SLC2A9: variants seen among roughly 807,000 people sequenced by gnomAD.
The protein encoded by SLC2A9 is solute carrier family 2 member 9.
A neutral mutation model predicts 50.6 loss-of-function variants in SLC2A9; 39 were observed. The observed-to-expected ratio is 0.77, with a 90% confidence interval of 0.60 to 1.01. The LOEUF (loss-of-function observed/expected upper bound fraction) is 1.01, where lower values mean the gene tolerates loss of function less well. SLC2A9 is among the 50% of genes least tolerant of loss of function. The probability of loss-of-function intolerance (pLI) is 0.00; values close to 1 mark genes in which losing one functional copy is unlikely to be tolerated. For synonymous variants in SLC2A9, 324 were observed against 276.9 expected (o/e 1.17, Z -1.69); for missense variants, 686 against 677.6 (o/e 1.01, Z -0.14).
chr4:9,895,645 T>A (rs1402442674), intron 8 of SLC2A9, among the ~76,000 whole-genome samples: 1 of 152,214 alleles, frequency 6.6e-6, no homozygotes, highest in African/African-American at 2.4e-5. Flanking sequence ...GGTGAAATAA[T>A]AATGGGAACC....
At chr4:9,931,913 A>ACTCTCTCTCTCTCTCT (rs1163786274) in intron 6 of SLC2A9, among the ~76,000 whole-genome samples, 1 of 15,690 alleles carries the variant, frequency 6.4e-5, no homozygotes, top group Non-Finnish European at 1.1e-4. Flanking sequence ...AATGAGAATG[A>ACTCTCTCTCTCTCTCT]CTCTCTCTCT....
intron 10 of SLC2A9, among the ~76,000 whole-genome samples, chr4:9,852,171 C>T (rs932684340): frequency 2.0e-5 from 3 of 151,952 alleles, no homozygotes; most frequent in Non-Finnish European, 4.4e-5. Context: ...ACAAAGTGAA[C>T]CCCGTCAGGC....
chr4:9,824,265 G>A (rs147076438), downstream of SLC2A9, among the ~76,000 whole-genome samples: 18 of 151,684 alleles, frequency 1.2e-4, no homozygotes, highest in East Asian at 1.4e-3. Flanking sequence ...GAAGGCACTC[G>A]TCAGATGTCC....
At chr4:9,870,581 A>G (rs1357386433) in intron 10 of SLC2A9, among the ~76,000 whole-genome samples, 7 of 152,226 alleles carry the variant, frequency 4.6e-5, no homozygotes, top group Non-Finnish European at 1.0e-4. Flanking sequence ...TTGGCAAAAA[A>G]TCATAAGGAA....
chr4:9,919,454 G>T (rs1210699040), intron 7 of SLC2A9, among the ~76,000 whole-genome samples: 1 of 152,168 alleles, frequency 6.6e-6, no homozygotes, highest in African/African-American at 2.4e-5. Context: ...GGACAGGAAT[G>T]ACTCCCCTTC....
intron 6 of SLC2A9, among the ~76,000 whole-genome samples, chr4:9,927,492 T>C (rs530078566): frequency 1.3e-5 from 2 of 152,368 alleles, no homozygotes; most frequent in African/African-American, 2.4e-5. Context: ...ACGTGGAGCA[T>C]AGGGCAATAG....
At chr4:9,909,392 C>A (rs751737210) in intron 7 of SLC2A9, among the ~76,000 whole-genome samples, 15 of 152,218 alleles carry the variant, frequency 9.9e-5, no homozygotes, top group Non-Finnish European at 1.5e-4. Flanking sequence ...CAACTTATTT[C>A]ATGTGAGACT....
intron 10 of SLC2A9, among the ~76,000 whole-genome samples, chr4:9,867,596 G>A (rs527448820): frequency 6.6e-5 from 10 of 152,270 alleles, no homozygotes; most frequent in South Asian, 2.1e-4. Context: ...ATAGACGGGC[G>A]GCTATTGCTA....
intron 1 of SLC2A9, among the ~76,000 whole-genome samples, chr4:10,027,548 C>G (rs1415806625): frequency 2.0e-5 from 3 of 152,062 alleles, no homozygotes; most frequent in Non-Finnish European, 4.4e-5. Flanking sequence ...TTTCCTACAA[C>G]CTCCCGGCAT....
intron 10 of SLC2A9, among the ~76,000 whole-genome samples, chr4:9,846,196 G>T (rs1412354470): frequency 6.6e-6 from 1 of 152,194 alleles, no homozygotes; most frequent in South Asian, 2.1e-4. Flanking sequence ...TTCTCTAGGA[G>T]AGACATTTGA....
At chr4:9,920,153 G>C (rs925288352) in intron 7 of SLC2A9, among the ~76,000 whole-genome samples, 1 of 152,220 alleles carries the variant, frequency 6.6e-6, no homozygotes, top group African/African-American at 2.4e-5. Flanking sequence ...TCTGTGGCTA[G>C]CAGCTGAACT....
At chr4:9,800,080 A>G (rs1721185519) in intron 3 of SLC2A9, among the ~76,000 whole-genome samples, 1 of 152,188 alleles carries the variant, frequency 6.6e-6, no homozygotes, top group Non-Finnish European at 1.5e-5. Flanking sequence ...GCAGGTATAA[A>G]AAGAAATAGA....
In SLC2A9 at chr4:9,843,766, G is replaced by T. The variant is rs116551294; in HGVS notation, c.1292-8758C>A. On this transcript the variant is annotated intron_variant, in intron 10 of 11. Coordinates refer to ENST00000264784, the MANE Select transcript of SLC2A9 (RefSeq NM_020041.3). ...TGAACACTCAATAGCTTTTAATGAT[G>T]ATTATTATTATTCAGAAGAAGCATG... Among the ~76,000 whole-genome samples, 1,329 of 152,258 alleles carry T rather than the reference G, an allele frequency of 8.7e-3. 20 individuals are homozygous for T. The highest frequency in any genetic ancestry group is 0.031 in the African/African-American group (1,278 of 41,538).
At chr4:9,772,774 A>G (rs1716999634) in intron 1 of SLC2A9, among the ~76,000 whole-genome samples, 1 of 151,956 alleles carries the variant, frequency 6.6e-6, no homozygotes, top group South Asian at 2.1e-4. Flanking sequence ...TCATTTACCC[A>G]TGATATCTCT....
At chr4:9,854,792 G>T (rs1045544281) in intron 10 of SLC2A9, among the ~76,000 whole-genome samples, 1 of 152,138 alleles carries the variant, frequency 6.6e-6, no homozygotes, top group Non-Finnish European at 1.5e-5. Flanking sequence ...TCCCTGGGAT[G>T]TAAGATTCCT....
intron 4 of SLC2A9, among the ~76,000 whole-genome samples, chr4:9,981,445 G>A (rs934094702): frequency 3.3e-5 from 5 of 152,010 alleles, no homozygotes; most frequent in South Asian, 4.1e-4. Context: ...ATGTATTAAC[G>A]TTATTTACTT....
chr4:9,975,909 T>A (rs937180292), intron 5 of SLC2A9, among the ~76,000 whole-genome samples: 3 of 152,246 alleles, frequency 2.0e-5, no homozygotes, highest in African/African-American at 7.2e-5. Context: ...TAGAATACTA[T>A]GCAGCCATGA....
chr4:9,999,818 G>T (rs909770500), intron 2 of SLC2A9, among the ~76,000 whole-genome samples: 14 of 152,164 alleles, frequency 9.2e-5, no homozygotes, highest in Non-Finnish European at 1.8e-4. Context: ...TAGACAGGAA[G>T]CCAGGCACAC....
chr4:9,925,497 C>G (rs963991807), intron 6 of SLC2A9, among the ~76,000 whole-genome samples: 2 of 152,152 alleles, frequency 1.3e-5, no homozygotes, highest in African/African-American at 4.8e-5. Flanking sequence ...ACACCCAGCC[C>G]TGTCTCTGCT....
Sources: gnomAD v4.1 joint callset for allele counts (sites outside exome capture counted in the v4.1 genomes callset) on GRCh38, gnomAD v4.1.1 for gene constraint, MANE v1.5 for transcripts, NCBI Gene and HGNC (gene_info 2026-07-23, HGNC 2026-07-21) for gene names.